Variants in COPS3 observed in about 807,000 individuals in gnomAD.
COPS3 encodes COP9 signalosome subunit 3.
Under a neutral mutation model 58.2 loss-of-function variants are expected in COPS3, and 10 were observed. The ratio of observed to expected loss-of-function variants is 0.17; its 90% CI spans 0.11 to 0.29. The LOEUF (loss-of-function observed/expected upper bound fraction) is 0.29, where lower values mean the gene tolerates loss of function less well. COPS3 is among the 10% of genes least tolerant of loss of function. The pLI, the probability that COPS3 is intolerant of heterozygous loss-of-function variation, is 1.00. For missense variants in COPS3, 333 were observed against 510.1 expected (o/e 0.65, Z 3.34); for synonymous variants, 187 against 181.7 (o/e 1.03, Z -0.24).
intron 11 of COPS3, 94 bp downstream of exon 11, chr17:17,247,386 T>C (rs1322466207): frequency 1.6e-6 from 2 of 1,224,094 alleles, no homozygotes; most frequent in Non-Finnish European, 2.4e-6. Flanking sequence ...TCAAGAAATA[T>C]TTAATAACCT....
rs2048185671 is a variant in COPS3 at position 17,264,832 on chromosome 17, G to A, written c.591C>T (p.Asn197=). 6.2e-7 allele frequency: 1 copy of A among 1,607,912 alleles called. No individual in the cohort carries two copies. Among genetic ancestry groups the A allele is most frequent in the Non-Finnish European group, 8.5e-7 (1 of 1,178,498 alleles). ...CATAAAAGTAGAGAGCTCTTTCAAA[G>A]TTCTTCAGCCCAGTATAGATCATCC... ...YGGMIYTGLK[N]FERALYFYEQ... The change falls in exon 6 of 12, where the codon AAC becomes AAT. Residue 197 remains asparagine (N), a synonymous_variant. Transcript: ENST00000268717.
chr17:17,250,445 G>A (rs2047818894), intron 9 of COPS3, among the ~76,000 whole-genome samples: 1 of 151,884 alleles, frequency 6.6e-6, no homozygotes, highest in Non-Finnish European at 1.5e-5. Context: ...TAGTAGAGAT[G>A]ACGTTTTGCC....
At chr17:17,260,985 G>A (rs897246403) in intron 7 of COPS3, among the ~76,000 whole-genome samples, 2 of 152,190 alleles carry the variant, frequency 1.3e-5, no homozygotes, top group African/African-American at 4.8e-5. Flanking sequence ...TTTAAGACCA[G>A]GGATAGAAAG....
In COPS3 at chr17:17,254,814, G is replaced by GAAAAAAAAAAAAAA. The variant is rs71152853; in HGVS notation, c.1023+31_1023+44dup. 435 of 821,732 alleles carry GAAAAAAAAAAAAAA rather than the reference G, an allele frequency of 5.3e-4. 3 individuals are homozygous for GAAAAAAAAAAAAAA. Among genetic ancestry groups the GAAAAAAAAAAAAAA allele is most frequent in the South Asian group, 1.8e-3 (95 of 53,538 alleles). The allele number at this position is 821,732 out of a possible 1,614,324, so 50.9% of individuals were successfully genotyped here. ...ACAGAGCGAGACTCCATCTCAAAAA[G>GAAAAAAAAAAAAAA]AAAAAAAAAAAAAAAAAAGAAAAAG... On this transcript the variant is annotated intron_variant, in intron 9 of 11. Coordinates refer to ENST00000268717, the MANE Select transcript of COPS3 (RefSeq NM_003653.4).
chr17:17,281,056 G>T, intron 1 of COPS3, 76 bp downstream of exon 1: 2 of 1,499,372 alleles, frequency 1.3e-6, no homozygotes, highest in African/African-American at 1.4e-5. Flanking sequence ...TGTTCCAGCC[G>T]TCCGTGCTGG....
chr17:17,270,693 A>C, intron 4 of COPS3, 65 bp downstream of exon 4: 1 of 1,367,474 alleles, frequency 7.3e-7, no homozygotes, highest in Non-Finnish European at 1.0e-6. Flanking sequence ...TTGATAAAGT[A>C]ATTCATTGTG....
intron 2 of COPS3, among the ~76,000 whole-genome samples, chr17:17,273,723 A>C (rs2048400030): frequency 6.6e-6 from 1 of 152,142 alleles, no homozygotes; most frequent in Admixed American, 6.6e-5. Context: ...GTGGTGGTGT[A>C]CACCTGTGGT....
At chr17:17,259,754 C>G (rs906631654) in intron 8 of COPS3, among the ~76,000 whole-genome samples, 1 of 152,040 alleles carries the variant, frequency 6.6e-6, no homozygotes, top group Admixed American at 6.6e-5. Flanking sequence ...ATTAGCTGGG[C>G]GTGGTGGCTC....
rs1472369341 is a variant in COPS3 at position 17,280,433 on chromosome 17, G to A, written c.55+699C>T. On this transcript the variant is annotated intron_variant, in intron 1 of 11. Coordinates refer to ENST00000268717, the MANE Select transcript of COPS3 (RefSeq NM_003653.4). The stretch of plus-strand genomic sequence containing the variant: ...AAAAAAGCCGTGTGAGCTGGCGGGC[G>A]CCTGTAATCTCAGCTACTCGGGAGG... The A allele has an allele frequency of 3.8e-5, 19 of 499,068 alleles. 1 individual carries two copies. Among genetic ancestry groups the A allele is most frequent in the Non-Finnish European group, 5.1e-5 (18 of 352,212 alleles). The allele number at this position is 499,068 out of a possible 1,614,324, so 30.9% of individuals were successfully genotyped here. A position where few individuals can be genotyped will look rare whatever the true frequency, so the allele number is the denominator to read the frequency against.
chr17:17,248,968 T>C lies in COPS3; in HGVS notation c.1095A>G (p.Glu365=). The change falls in exon 10 of 12, where the codon GAA becomes GAG. Residue 365 remains glutamate (E), a synonymous_variant. Transcript: ENST00000268717. ...GAAGCATGGCTGGGTTATTATATTT[T>C]TCAGGGTTATCATGGAAACTGACCA... ...DGMVSFHDNP[E]KYNNPAMLHN... 1 of 1,611,364 alleles carries C rather than the reference T, an allele frequency of 6.2e-7. No homozygotes were observed. The highest frequency in any genetic ancestry group is 8.5e-7 in the Non-Finnish European group (1 of 1,179,034).
chr17:17,253,916 TG>T (rs953970128), intron 9 of COPS3, among the ~76,000 whole-genome samples: 18 of 152,058 alleles, frequency 1.2e-4, no homozygotes, highest in Non-Finnish European at 2.2e-4. Flanking sequence ...GTTTGAACCC[TG>T]GAGGTGGGGG....
chr17:17,261,297 C>T (rs1017387448), intron 7 of COPS3, among the ~76,000 whole-genome samples: 16 of 152,088 alleles, frequency 1.1e-4, no homozygotes, highest in Admixed American at 3.3e-4. Flanking sequence ...GAGGCCGAGG[C>T]GGGTGGATCA....
intron 1 of COPS3, among the ~76,000 whole-genome samples, chr17:17,277,413 ATGTT>A (rs1338436831): frequency 3.3e-5 from 5 of 152,016 alleles, no homozygotes; most frequent in Non-Finnish European, 7.4e-5. Flanking sequence ...CTGCAATACT[ATGTT>A]TGTTTTGTTT....
chr17:17,263,185 G>A lies in COPS3; in HGVS notation c.622-1079C>T, dbSNP rs570948162. Among the ~76,000 whole-genome samples the A allele has an allele frequency of 2.0e-5, 3 of 151,796 alleles. No homozygotes were observed. The South Asian group carries it at 6.2e-4, about 32-fold the overall frequency. ...CACCTGTAGTTCCAGCTAGTCACGA[G>A]GCTGAGGCAGGAGAATGGTGTGAAC... On this transcript the variant is annotated intron_variant, in intron 6 of 11. Transcript: ENST00000268717.
Position 17,262,022 on chromosome 17 carries a change from C to T in COPS3, c.706G>A (p.Gly236Ser). ...KYILVSLILL[G>S]KVQQLPKYTS... ...TATTTTGGTAGCTGTTGTACTTTGC[C>T]AAGTAATATCAAAGACACTAAAATA... Residue 236 changes from glycine (G) to serine (S), a missense_variant, in exon 7 of 12, where the codon GGC becomes AGC. By Grantham distance (56) the Gly-to-Ser change is moderately conservative (BLOSUM62 0). Coordinates refer to ENST00000268717, the MANE Select transcript of COPS3 (RefSeq NM_003653.4). The T allele has an allele frequency of 1.2e-6, 2 of 1,606,954 alleles. No homozygotes were observed. The highest frequency in any genetic ancestry group is 1.7e-6 in the Non-Finnish European group (2 of 1,175,624).
intron 3 of COPS3, 42 bp downstream of exon 3, chr17:17,270,854 G>C: frequency 6.2e-7 from 1 of 1,603,968 alleles, no homozygotes; most frequent in African/African-American, 1.3e-5. Flanking sequence ...AACCACAAGG[G>C]CAAAATATTT....
intron 5 of COPS3, among the ~76,000 whole-genome samples, chr17:17,266,605 C>G (rs752910335): frequency 3.3e-5 from 5 of 151,650 alleles, no homozygotes; most frequent in Non-Finnish European, 7.4e-5. Flanking sequence ...TCAAGACCAG[C>G]CTGACCAAAA....
chr17:17,274,957 TGTCA>T (rs1406665927), intron 2 of COPS3, among the ~76,000 whole-genome samples: 5 of 152,154 alleles, frequency 3.3e-5, no homozygotes, highest in Non-Finnish European at 1.5e-5. Context: ...TCAGTTGTTC[TGTCA>T]GTGTTATTCT....
At chr17:17,280,285 C>G (rs1799800320) in intron 1 of COPS3, among the ~76,000 whole-genome samples, 1 of 152,176 alleles carries the variant, frequency 6.6e-6, no homozygotes, top group Non-Finnish European at 1.5e-5. Context: ...CGCCTGTAAT[C>G]CCAGCTACTC....
Sources: allele counts gnomAD v4.1 joint callset (sites outside exome capture counted in the v4.1 genomes callset), GRCh38; gene constraint gnomAD v4.1.1; transcripts MANE v1.5; gene names NCBI Gene and HGNC (gene_info 2026-07-23, HGNC 2026-07-21).